Variants in MLPH observed in about 807,000 individuals in gnomAD.
The protein encoded by MLPH is exophilin-3.
In MLPH, 51 loss-of-function variants were observed where a neutral mutation model predicts 72.1. That is an observed-to-expected ratio of 0.71 (90% CI 0.56 to 0.89). The LOEUF is 0.89. MLPH is among the 40% of genes least tolerant of loss of function. The pLI is 0.00. For synonymous variants in MLPH, 301 were observed against 310.1 expected (o/e 0.97, Z 0.31); for missense variants, 743 against 759.9 (o/e 0.98, Z 0.26).
At chr2:237,529,655 G>T (rs1003149144) in intron 8 of MLPH, among the ~76,000 whole-genome samples, 1 of 152,208 alleles carries the variant, frequency 6.6e-6, no homozygotes, top group South Asian at 2.1e-4. Flanking sequence ...CTCCAGCAAC[G>T]TAATCACAGG....
intron 4 of MLPH, 166 bp downstream of exon 4, chr2:237,511,267 CTTTTT>C (rs369873696): frequency 4.2e-5 from 20 of 478,474 alleles, no homozygotes; most frequent in East Asian, 1.5e-4. Flanking sequence ...CTTCTGGCTG[CTTTTT>C]TTTTTTTTTT....
chr2:237,526,420 T>C (rs1274069870), intron 7 of MLPH, among the ~76,000 whole-genome samples: 2 of 152,040 alleles, frequency 1.3e-5, no homozygotes, highest in Non-Finnish European at 2.9e-5. Context: ...GGGAAAGCTG[T>C]CTACTCTCCA....
At position 237,525,664 on chromosome 2, in the gene MLPH, G is replaced by A; in HGVS notation, c.739G>A (p.Ala247Thr). 6.2e-7 allele frequency: 1 copy of A among 1,614,172 alleles called. No individual in the cohort carries two copies. The highest frequency in any genetic ancestry group is 8.5e-7 in the Non-Finnish European group (1 of 1,180,030). The change falls in exon 7 of 16, where the codon GCT (alanine) becomes ACT (threonine). Residue 247 changes from alanine (A) to threonine (T), a missense_variant. Ala to Thr is a moderately conservative substitution (Grantham distance 58). Coordinates refer to ENST00000264605, the MANE Select transcript of MLPH (RefSeq NM_024101.7). ...APHKAEGLEEADTGASGCHSH... is the reference protein window; with the variant it reads ...APHKAEGLEETDTGASGCHSH... ...TCACAAGGCTGAGGGCCTGGAGGAG[G>A]CTGATACTGGGGCCTCTGGGTGCCA...
rs374445073 is a variant in MLPH, at chr2:237,534,622, A to G, written c.1079A>G (p.Asn360Ser). 5.0e-6 allele frequency: 8 copies of G among 1,613,852 alleles called. No homozygotes were observed. Among genetic ancestry groups the G allele is most frequent in the Non-Finnish European group, 6.8e-6 (8 of 1,179,910 alleles). ...AVECLLTYLE[N>S]TVVPPLAKGL... ...GAATGCCTGCTGACCTACCTGGAGA[A>G]CACAGTTGTGCCTCCCTTGGCCAAG... The change falls in exon 9 of 16, where the codon AAC becomes AGC. Residue 360 changes from asparagine (N) to serine (S), a missense_variant. Transcript: ENST00000264605.
In MLPH at chr2:237,519,991, C is replaced by A; in HGVS notation, c.637C>A (p.His213Asn). ...CACTCAGCCTCAAGGTCACTCCCTG[C>A]ACCTGTCCTCAGTCCCTGAGGCCAG... The part of the protein sequence containing the change: ...DSTQPQGHSL[H>N]LSSVPEARDS... The change falls in exon 6 of 16, where the codon CAC (histidine) becomes AAC (asparagine). Residue 213 changes from histidine to asparagine, a missense_variant. By Grantham distance (68) the His-to-Asn change is moderately conservative. Transcript: ENST00000264605. The A allele has an allele frequency of 6.2e-7, 1 of 1,614,074 alleles. No individual in the cohort carries two copies. Among genetic ancestry groups the A allele is most frequent in the Non-Finnish European group, 8.5e-7 (1 of 1,180,024 alleles).
intron 9 of MLPH, among the ~76,000 whole-genome samples, chr2:237,539,474 C>T (rs1574892191): frequency 1.3e-5 from 2 of 152,266 alleles, no homozygotes; most frequent in East Asian, 3.9e-4. Context: ...TCAATCTCAT[C>T]GCCTACCTTA....
chr2:237,535,848 T>C (rs757134171), intron 9 of MLPH, among the ~76,000 whole-genome samples: 10 of 152,200 alleles, frequency 6.6e-5, no homozygotes, highest in Non-Finnish European at 1.2e-4. Flanking sequence ...AGCTTACTAA[T>C]TCCGAGGAAG....
chr2:237,550,093 C>T (rs145914394), intron 14 of MLPH, among the ~76,000 whole-genome samples: 15 of 152,328 alleles, frequency 9.8e-5, no homozygotes, highest in African/African-American at 2.6e-4. Context: ...CGTAGGACAA[C>T]GCACAGCGGA....
At position 237,542,581 on chromosome 2, in the gene MLPH, A is replaced by G. The variant is rs757375973; in HGVS notation, c.1461A>G (p.Glu487=). 4 of 1,602,994 alleles carry G rather than the reference A, an allele frequency of 2.5e-6. No individual in the cohort carries two copies. In the East Asian group the frequency reaches 9.0e-5, roughly 36 times the overall value. Residue 487 remains glutamate (E), a synonymous_variant, in exon 12 of 16, where the codon GAA becomes GAG. Coordinates refer to ENST00000264605, the MANE Select transcript of MLPH (RefSeq NM_024101.7). ...TCCTCTCGCAGGTTTCAGACATTGA[A>G]TCCAGGATTGCAGCCCTGAGGGCCG... ...QQAESEVSDI[E]SRIAALRAAG... is the part of the protein sequence containing the mutation.
chr2:237,535,492 A>ATG (rs374009135), intron 9 of MLPH, among the ~76,000 whole-genome samples: 49 of 151,368 alleles, frequency 3.2e-4, no homozygotes, highest in Admixed American at 1.1e-3. Context: ...GTGTGTGTGC[A>ATG]TGTGTGTGTG....
chr2:237,489,900 T>C (rs1396096817), intron 1 of MLPH, among the ~76,000 whole-genome samples: 2 of 152,134 alleles, frequency 1.3e-5, no homozygotes, highest in Admixed American at 6.5e-5. Context: ...GGGATACCCA[T>C]CTTATAAAAC....
chr2:237,540,237 C>A, intron 9 of MLPH, 111 bp from the exon 10 acceptor site: 1 of 1,242,826 alleles, frequency 8.0e-7, no homozygotes, highest in Non-Finnish European at 1.1e-6. Flanking sequence ...CAGCTGAGCT[C>A]AGCAGGAACC....
chr2:237,507,051 C>CTTTTTTTTTCTTTTTT (rs2079789370), intron 2 of MLPH, among the ~76,000 whole-genome samples: 1 of 119,382 alleles, frequency 8.4e-6, no homozygotes, highest in African/African-American at 3.2e-5. Context: ...TTTCCTTTTT[C>CTTTTTTTTTCTTTTTT]TTTTTTTTTT....
intron 2 of MLPH, among the ~76,000 whole-genome samples, chr2:237,504,425 C>T (rs1005307158): frequency 5.6e-4 from 85 of 152,204 alleles, no homozygotes; most frequent in African/African-American, 2.0e-3. Flanking sequence ...ACCATGTTGG[C>T]CAGGCTGGTC....
intron 2 of MLPH, among the ~76,000 whole-genome samples, chr2:237,502,319 T>C (rs925862092): frequency 2.0e-5 from 3 of 152,230 alleles, no homozygotes; most frequent in Admixed American, 2.0e-4. Flanking sequence ...TCACAGCTTT[T>C]AACTCCTTCT....
Position 237,541,274 on chromosome 2 carries a change from G to A in MLPH, c.1446+317G>A, listed in dbSNP as rs749990393. Among the ~76,000 whole-genome samples the A allele has an allele frequency of 3.3e-5, 5 of 152,192 alleles. No homozygotes were observed. Among genetic ancestry groups the A allele is most frequent in the Admixed American group, 6.5e-5 (1 of 15,284 alleles). ...GGATGGGGGCCTAGAAGCAGGCCTG[G>A]AATTTAGGACAGCCCCAGACCTCAG... is the stretch of plus-strand genomic sequence containing the variant. On this transcript the variant is annotated intron_variant, in intron 11 of 15. Coordinates refer to ENST00000264605, the MANE Select transcript of MLPH (RefSeq NM_024101.7). This position sits in a 1 kb window ranked among gnomAD's most constrained non-coding sequence, Gnocchi z 5.1.
intron 12 of MLPH, among the ~76,000 whole-genome samples, chr2:237,545,234 G>A (rs1319642609): frequency 2.7e-5 from 4 of 147,064 alleles, no homozygotes; most frequent in Admixed American, 1.3e-4. Flanking sequence ...GTGGTGAGTG[G>A]GGCACAGTGG....
intron 14 of MLPH, among the ~76,000 whole-genome samples, chr2:237,550,990 C>T (rs2081025956): frequency 6.6e-6 from 1 of 152,220 alleles, no homozygotes; most frequent in African/African-American, 2.4e-5. Flanking sequence ...ACCCCCGGCC[C>T]CCTGAAGCTC....
chr2:237,495,140 C>A (rs949289307), intron 2 of MLPH, among the ~76,000 whole-genome samples: 1 of 152,212 alleles, frequency 6.6e-6, no homozygotes, highest in Non-Finnish European at 1.5e-5. Context: ...CTCTCTCACC[C>A]TCCCTCCCTC....
Sources: allele counts gnomAD v4.1 joint callset (sites outside exome capture counted in the v4.1 genomes callset), GRCh38; gene constraint gnomAD v4.1.1; non-coding constraint Gnocchi (gnomAD v3.1); transcripts MANE v1.5; gene names NCBI Gene and HGNC (gene_info 2026-07-23, HGNC 2026-07-21).